The following MALT1 variants were observed in gnomAD, a reference collection of about 807,000 sequenced individuals.
The protein encoded by MALT1 is mucosa-associated lymphoid tissue lymphoma translocation protein 1.
In MALT1, 36 loss-of-function variants were observed where a neutral mutation model predicts 85.5. The observed-to-expected ratio is 0.42, with a 90% CI of 0.32 to 0.56. The LOEUF is 0.56. Ranked by LOEUF, MALT1 falls within the 20% of genes least tolerant of loss-of-function variation. The pLI is 0.10. For missense variants in MALT1, 716 were observed against 981.6 expected (o/e 0.73, Z 3.62); for synonymous variants, 359 against 361.3 (o/e 0.99, Z 0.07).
At chr18:58,696,018 G>T (rs560161658) in intron 2 of MALT1, among the ~76,000 whole-genome samples, 1 of 152,226 alleles carries the variant, frequency 6.6e-6, no homozygotes, top group South Asian at 2.1e-4. Context: ...GGCTGTGCCT[G>T]ACAGGCATCT....
At chr18:58,731,712 A>G (rs1008717425) in intron 10 of MALT1, among the ~76,000 whole-genome samples, 9 of 152,354 alleles carry the variant, frequency 5.9e-5, no homozygotes, top group African/African-American at 2.2e-4. Context: ...TTGTCCCACT[A>G]ACATGATTTA....
At chr18:58,676,966 AT>A (rs938405428) in intron 1 of MALT1, among the ~76,000 whole-genome samples, 11 of 152,288 alleles carry the variant, frequency 7.2e-5, no homozygotes, top group East Asian at 3.9e-4. Context: ...TTGATTATAT[AT>A]TTTTTTAAAG....
intron 9 of MALT1, 140 bp downstream of exon 9, chr18:58,716,107 AAAG>A (rs773492933): frequency 3.3e-5 from 22 of 657,338 alleles, no homozygotes; most frequent in Non-Finnish European, 5.2e-5. Flanking sequence ...TGTATCTGTA[AAAG>A]AAGGTTTAGA....
Position 58,709,399 on chromosome 18 carries a change from A to T in MALT1, c.671A>T (p.Glu224Val). The change falls in exon 5 of 17, where the codon GAA (glutamate) becomes GTA (valine). Residue 224 changes from glutamate (E) to valine (V), a missense_variant. Glu to Val is a moderately radical substitution (Grantham distance 121). This residue lies in a region of MALT1 where 290 missense variants were observed against 380.5 expected (regional missense o/e 0.76). Transcript: ENST00000649217. ...SFQRSVDGVS[E>V]SKLQICVEPT... ...TAAGGAAGTGTTGATGGCGTCTCTG[A>T]ATCCAAGTTGCAAATCTGTGTTGAA... 1 of 1,593,294 alleles carries T rather than the reference A, an allele frequency of 6.3e-7. No homozygotes were observed. Among genetic ancestry groups the T allele is most frequent in the South Asian group, 1.2e-5 (1 of 86,318 alleles).
chr18:58,704,210 A>G (rs2054713438), intron 4 of MALT1, among the ~76,000 whole-genome samples: 1 of 152,220 alleles, frequency 6.6e-6, no homozygotes, highest in Admixed American at 6.5e-5. Flanking sequence ...GGAATTGCTG[A>G]ATCCTAGAGT....
At chr18:58,689,861 G>A (rs1255591083) in intron 2 of MALT1, among the ~76,000 whole-genome samples, 1 of 152,204 alleles carries the variant, frequency 6.6e-6, no homozygotes, top group Non-Finnish European at 1.5e-5. Flanking sequence ...CAGAGGACTG[G>A]TAAGTGGAAA....
At chr18:58,720,154 T>C (rs978886832) in intron 9 of MALT1, among the ~76,000 whole-genome samples, 1 of 152,228 alleles carries the variant, frequency 6.6e-6, no homozygotes, top group Non-Finnish European at 1.5e-5. Flanking sequence ...ATTGTTTGTG[T>C]TCAAGAAGTT....
At chr18:58,702,209 C>CA (rs926871299) in intron 4 of MALT1, among the ~76,000 whole-genome samples, 511 of 40,808 alleles carry the variant, frequency 0.013, 6 homozygotes, top group African/African-American at 0.031. Flanking sequence ...CCTATCTCTA[C>CA]AAAAAAAATG....
At chr18:58,702,450 CTTACTCATGAAT>C (rs1404115825) in intron 4 of MALT1, among the ~76,000 whole-genome samples, 1 of 151,570 alleles carries the variant, frequency 6.6e-6, no homozygotes, top group Non-Finnish European at 1.5e-5. Flanking sequence ...TGAAGTTACT[CTTACTCATGAAT>C]ACTAAATATG....
At chr18:58,736,561 A>G (rs1414168311) in intron 13 of MALT1, among the ~76,000 whole-genome samples, 1 of 152,218 alleles carries the variant, frequency 6.6e-6, no homozygotes, top group East Asian at 1.9e-4. Context: ...TTTTAAGTCC[A>G]TTTTAACTAT....
At chr18:58,715,795 A>G in intron 8 of MALT1, 140 bp from the exon 9 acceptor site, 1 of 675,870 alleles carries the variant, frequency 1.5e-6, no homozygotes, top group Non-Finnish European at 2.6e-6. Context: ...TTTCCATTCA[A>G]GAGTGTTTTT....
intron 7 of MALT1, among the ~76,000 whole-genome samples, chr18:58,711,331 CTG>C (rs1363681024): frequency 3.9e-5 from 6 of 152,136 alleles, no homozygotes; most frequent in Admixed American, 2.0e-4. Context: ...ATTATTTTGT[CTG>C]TCCTTTAGCC....
chr18:58,696,685 A>C (rs1297088321), intron 3 of MALT1, among the ~76,000 whole-genome samples, 198 bp downstream of exon 3: 1 of 152,198 alleles, frequency 6.6e-6, no homozygotes, highest in African/African-American at 2.4e-5. Context: ...CATTGTAAAC[A>C]ATAATGAAAT....
chr18:58,703,896 T>C (rs1055534131), intron 4 of MALT1, among the ~76,000 whole-genome samples: 1 of 152,226 alleles, frequency 6.6e-6, no homozygotes, highest in African/African-American at 2.4e-5. Flanking sequence ...CATGGGTATA[T>C]GTACCCATTT....
chr18:58,716,890 T>C (rs7234181), intron 9 of MALT1, among the ~76,000 whole-genome samples: 24,234 of 152,132 alleles, frequency 0.16, 1,988 homozygotes, highest in Admixed American at 0.2. Flanking sequence ...GAAGAGATGA[T>C]AGGGATTTGG....
Position 58,748,990 on chromosome 18 carries a change from TA to T in MALT1, c.*1149del. On this transcript the variant is annotated 3_prime_UTR_variant, in exon 17 of 17. Coordinates refer to ENST00000649217, the MANE Select transcript of MALT1 (RefSeq NM_006785.4). ...ACTATAAGCCAATATTCCTTATTAA[TA>T]CAAACACAAAAATCATTAACAAAAA... is the stretch of plus-strand genomic sequence containing the variant. 1 of 208,814 alleles carries T rather than the reference TA, an allele frequency of 4.8e-6. No homozygotes were observed. Among genetic ancestry groups the T allele is most frequent in the Non-Finnish European group, 9.8e-6 (1 of 102,466 alleles). 12.9% of individuals were successfully genotyped at this position (208,814 alleles called of 1,614,324 possible).
intron 1 of MALT1, among the ~76,000 whole-genome samples, chr18:58,673,683 A>G (rs2054200338): frequency 6.6e-6 from 1 of 152,120 alleles, no homozygotes; most frequent in African/African-American, 2.4e-5. Context: ...TCTTGACCTA[A>G]GGTGATCCAG....
Position 58,671,640 on chromosome 18 carries a change from G to A in MALT1, c.-4G>A. 1 of 1,215,448 alleles carries A rather than the reference G, an allele frequency of 8.2e-7. No homozygotes were observed. The highest frequency in any genetic ancestry group is 1.0e-6 in the Non-Finnish European group (1 of 977,380). The allele number at this position is 1,215,448 out of a possible 1,614,324, so 75.3% of individuals were successfully genotyped here. On this transcript the variant is annotated 5_prime_UTR_variant, in exon 1 of 17. Transcript: ENST00000649217. ...CCGGCAGTCCGGGGTCGCCGGCGAG[G>A]GCCATGTCGCTGTTGGGGGACCCGC...
intron 4 of MALT1, among the ~76,000 whole-genome samples, chr18:58,703,056 G>A (rs1389637828): frequency 6.6e-6 from 1 of 152,126 alleles, no homozygotes. Context: ...TGACGTTAAG[G>A]TTGTTGAGAA....
Sources: gnomAD v4.1 joint callset for allele counts (sites outside exome capture counted in the v4.1 genomes callset) on GRCh38, gnomAD v4.1.1 for gene constraint, gnomAD v4.1.1 regional missense constraint, MANE v1.5 for transcripts, NCBI Gene and HGNC (gene_info 2026-07-23, HGNC 2026-07-21) for gene names.